The following EPHA5 variants were observed in gnomAD, a reference collection of about 807,000 sequenced individuals.
The protein encoded by EPHA5 is EPH receptor A5.
EPHA5 carries 60 observed loss-of-function variants against 105.0 expected under a neutral mutation model. The observed-to-expected ratio is 0.57, with a 90% CI of 0.46 to 0.71. EPHA5 has a LOEUF of 0.71. Ranked by LOEUF, EPHA5 falls within the 30% of genes least tolerant of loss-of-function variation. The probability of loss-of-function intolerance (pLI) is 0.00; values close to 1 mark genes in which losing one functional copy is unlikely to be tolerated. For synonymous variants in EPHA5, 513 were observed against 449.1 expected, an observed-to-expected ratio of 1.14 and a Z score of -1.80; for missense variants, 1,218 against 1,274.7, an observed-to-expected ratio of 0.96 and a Z score of 0.68.
chr4:65,552,494 T>C (rs1171016695), intron 3 of EPHA5, among the ~76,000 whole-genome samples: 1 of 152,140 alleles, frequency 6.6e-6, no homozygotes, highest in Admixed American at 6.6e-5. Flanking sequence ...TACGCTTGAC[T>C]GACAAATCTC....
intron 3 of EPHA5, among the ~76,000 whole-genome samples, chr4:65,495,776 A>G (rs1191164805): frequency 6.6e-6 from 1 of 152,174 alleles, no homozygotes; most frequent in Non-Finnish European, 1.5e-5. Flanking sequence ...ACTTGTAATG[A>G]TTTTTATGCT....
At chr4:65,625,444 C>T (rs776853679) in intron 2 of EPHA5, among the ~76,000 whole-genome samples, 4 of 152,066 alleles carry the variant, frequency 2.6e-5, no homozygotes, top group Non-Finnish European at 5.9e-5. Flanking sequence ...GTATGTAATA[C>T]CAGAGAAAAA....
At chr4:65,658,042 G>T (rs1325497917) in intron 1 of EPHA5, among the ~76,000 whole-genome samples, 1 of 151,690 alleles carries the variant, frequency 6.6e-6, no homozygotes, top group Non-Finnish European at 1.5e-5. Context: ...CTTTTTACAG[G>T]GATCTCTATT....
At chr4:65,358,566 A>G (rs1723527984) in intron 11 of EPHA5, among the ~76,000 whole-genome samples, 1 of 151,590 alleles carries the variant, frequency 6.6e-6, no homozygotes, top group African/African-American at 2.4e-5. Context: ...CAACCAGAAA[A>G]TAGGATCTTG....
chr4:65,641,513 A>C (rs1747665244), intron 2 of EPHA5, among the ~76,000 whole-genome samples: 1 of 152,188 alleles, frequency 6.6e-6, no homozygotes, highest in African/African-American at 2.4e-5. Context: ...CACAAATGGC[A>C]CAGCCAACTA....
At chr4:65,605,769 A>G (rs1291971457) in intron 2 of EPHA5, among the ~76,000 whole-genome samples, 1 of 152,140 alleles carries the variant, frequency 6.6e-6, no homozygotes, top group Non-Finnish European at 1.5e-5. Flanking sequence ...ACAAGCCCGA[A>G]GCTCTAGTTT....
chr4:65,452,417 G>C (rs1727152544), intron 5 of EPHA5, among the ~76,000 whole-genome samples: 1 of 151,992 alleles, frequency 6.6e-6, no homozygotes, highest in Non-Finnish European at 1.5e-5. Context: ...TATTTTAAAT[G>C]CTGAGATATG....
chr4:65,438,601 AAAT>A (rs1725712403), intron 5 of EPHA5, among the ~76,000 whole-genome samples: 1 of 152,008 alleles, frequency 6.6e-6, no homozygotes, highest in South Asian at 2.1e-4. Flanking sequence ...TTCAATAAGA[AAAT>A]ATGTGAGCTG....
In EPHA5 at chr4:65,601,862, T is replaced by C; in HGVS notation, c.689A>G (p.Tyr230Cys). ...TCGTACCACAGAAGGGCATTTTTTA[T>C]AGTATACACGCACAGAAACCAGAGC... ...CIALVSVRVYYKKCPSVVRHL... is the reference protein window; with the variant it reads ...CIALVSVRVYCKKCPSVVRHL... The change falls in exon 3 of 17, where the codon TAT becomes TGT. Residue 230 changes from tyrosine to cysteine, a missense_variant. Physicochemically the swap from Tyr to Cys is radical, Grantham distance 194. Coordinates refer to ENST00000613740, the MANE Select transcript of EPHA5 (RefSeq NM_001281766.3). 1 of 1,614,138 alleles carries C rather than the reference T, an allele frequency of 6.2e-7. No homozygotes were observed. Among genetic ancestry groups the C allele is most frequent in the Non-Finnish European group, 8.5e-7 (1 of 1,180,012 alleles).
chr4:65,604,755 G>A (rs1449759947), intron 2 of EPHA5, among the ~76,000 whole-genome samples: 1 of 150,848 alleles, frequency 6.6e-6, no homozygotes, highest in Non-Finnish European at 1.5e-5. Context: ...AGAGGATGAA[G>A]AGAAAGTAAC....
At chr4:65,483,830 C>G (rs1050677739) in intron 5 of EPHA5, among the ~76,000 whole-genome samples, 2 of 152,016 alleles carry the variant, frequency 1.3e-5, no homozygotes, top group Admixed American at 6.6e-5. Context: ...CTGTGAAACT[C>G]TAGTAATGGC....
intron 3 of EPHA5, among the ~76,000 whole-genome samples, chr4:65,546,752 C>T (rs1737411897): frequency 1.3e-5 from 2 of 151,900 alleles, no homozygotes; most frequent in Admixed American, 1.3e-4. Context: ...CTTCAAGATC[C>T]CTAAAGTCTA....
chr4:65,646,703 C>G (rs1399462760), intron 1 of EPHA5, among the ~76,000 whole-genome samples: 1 of 151,762 alleles, frequency 6.6e-6, no homozygotes, highest in African/African-American at 2.4e-5. Flanking sequence ...TATCAATGTA[C>G]CAGATAAAGA....
At chr4:65,493,451 T>C (rs969231795) in intron 4 of EPHA5, among the ~76,000 whole-genome samples, 1 of 152,124 alleles carries the variant, frequency 6.6e-6, no homozygotes, top group East Asian at 1.9e-4. Context: ...AAAGGCAAAG[T>C]GAAGCTCAAG....
In EPHA5 at chr4:65,406,967, T is replaced by C. The variant is rs547825832; in HGVS notation, c.1688-2488A>G. On this transcript the variant is annotated intron_variant, in intron 7 of 16. Transcript: ENST00000613740. ...TCATTAATTATCAGATACTATTGTG[T>C]TTCTTTTATGTTTCTCCCCATACAT... is the stretch of plus-strand genomic sequence containing the variant. Among the ~76,000 whole-genome samples, 18 of 152,186 alleles carry C rather than the reference T, an allele frequency of 1.2e-4. No individual in the cohort carries two copies. The South Asian group carries it at 3.7e-3, about 32-fold the overall frequency.
chr4:65,554,653 T>G (rs1186236793), intron 3 of EPHA5, among the ~76,000 whole-genome samples: 1 of 151,892 alleles, frequency 6.6e-6, no homozygotes, highest in Non-Finnish European at 1.5e-5. Context: ...ATTCATAAAC[T>G]ATTCCCCTGT....
chr4:65,483,066 T>G (rs566156565), intron 5 of EPHA5, among the ~76,000 whole-genome samples: 46 of 152,260 alleles, frequency 3.0e-4, no homozygotes, highest in Admixed American at 5.9e-4. Flanking sequence ...TGTGTCCAAG[T>G]GTTCTCATTG....
intron 15 of EPHA5, among the ~76,000 whole-genome samples, chr4:65,333,613 C>CT (rs778146562): frequency 0.12 from 9,279 of 79,128 alleles, 1,391 homozygotes; most frequent in African/African-American, 0.17. Flanking sequence ...GCCTGCTAGT[C>CT]TTTTTTTTTT....
chr4:65,422,658 CAA>C (rs889418021), intron 5 of EPHA5, among the ~76,000 whole-genome samples: 2 of 151,932 alleles, frequency 1.3e-5, no homozygotes, highest in Non-Finnish European at 2.9e-5. Context: ...GGAAATATTC[CAA>C]ACTCTTTCCA....
Sources: allele counts gnomAD v4.1 joint callset (sites outside exome capture counted in the v4.1 genomes callset), GRCh38; gene constraint gnomAD v4.1.1; transcripts MANE v1.5; gene names NCBI Gene and HGNC (gene_info 2026-07-23, HGNC 2026-07-21).